The following PPFIA2 variants were observed in gnomAD, a reference collection of about 807,000 sequenced individuals.
PPFIA2 encodes PPFI scaffold protein A2.
In PPFIA2, 46 loss-of-function variants were observed where a neutral mutation model predicts 175.5. The ratio of observed to expected loss-of-function variants is 0.26; its 90% CI spans 0.21 to 0.34. The LOEUF is 0.34. Among genes scored for constraint, PPFIA2 ranks in the 10% least tolerant of loss-of-function variants. The pLI is 1.00. For missense variants in PPFIA2, 1,179 were observed against 1,506.1 expected (o/e 0.78, Z 3.60); for synonymous variants, 568 against 511.4 (o/e 1.11, Z -1.49).
chr12:81,410,443 G>C (rs1486868934), intron 7 of PPFIA2, among the ~76,000 whole-genome samples: 1 of 152,004 alleles, frequency 6.6e-6, no homozygotes, highest in African/African-American at 2.4e-5. Context: ...ATGTCATTAA[G>C]ATTGGACGTC....
intron 4 of PPFIA2, among the ~76,000 whole-genome samples, chr12:81,517,696 G>C (rs2062632256): frequency 6.6e-6 from 1 of 152,152 alleles, no homozygotes; most frequent in South Asian, 2.1e-4. Flanking sequence ...CCATTAAAAG[G>C]AGATTGGTAT....
intron 5 of PPFIA2, among the ~76,000 whole-genome samples, chr12:81,455,960 G>A (rs886171838): frequency 1.3e-5 from 2 of 152,040 alleles, no homozygotes; most frequent in African/African-American, 4.8e-5. Flanking sequence ...AGGGGCTGAA[G>A]AAAAAAGGCT....
intron 4 of PPFIA2, among the ~76,000 whole-genome samples, chr12:81,604,938 T>C (rs1457120163): frequency 2.0e-5 from 3 of 151,736 alleles, no homozygotes; most frequent in African/African-American, 7.2e-5. Context: ...TTGCTCTTAA[T>C]AGAATTAAGA....
intron 3 of PPFIA2, among the ~76,000 whole-genome samples, chr12:81,678,755 T>C (rs1312590219): frequency 6.6e-6 from 1 of 151,910 alleles, no homozygotes; most frequent in Non-Finnish European, 1.5e-5. Flanking sequence ...AGTCCTTGAT[T>C]GTATCATTTG....
intron 9 of PPFIA2, among the ~76,000 whole-genome samples, chr12:81,379,948 T>C (rs2037266767): frequency 6.6e-6 from 1 of 152,230 alleles, no homozygotes; most frequent in Non-Finnish European, 1.5e-5. Flanking sequence ...TATTATATGG[T>C]TGTTTTTTCT....
chr12:81,529,486 G>A (rs1018006488), intron 4 of PPFIA2, among the ~76,000 whole-genome samples: 7 of 151,174 alleles, frequency 4.6e-5, no homozygotes, highest in Admixed American at 4.0e-4. Context: ...AATATAAGCT[G>A]TATATTTATT....
chr12:81,754,167 C>G lies in PPFIA2; in HGVS notation c.55G>C (p.Gly19Arg), dbSNP rs1241245195. The change falls in exon 3 of 33, where the codon GGG (glycine) becomes CGG (arginine). Residue 19 changes from glycine to arginine, a missense_variant. Gly to Arg is a moderately radical substitution (Grantham distance 125). Around this residue, in one of 10 missense-constraint regions of PPFIA2, gnomAD observed 128 missense variants for 141.4 expected, o/e 0.91. Transcript: ENST00000549396. Reference protein sequence around the residue: ...INEDTPMSQRGSQSSGSDSDS... With the variant: ...INEDTPMSQRRSQSSGSDSDS... ...GAGTCCGAGCCACTGCTTTGGGACCCCCTTTGGCTCATTGGGGTGTCCTCA... is the reference window on the plus strand; with the variant it reads ...GAGTCCGAGCCACTGCTTTGGGACCGCCTTTGGCTCATTGGGGTGTCCTCA... 3 of 1,611,928 alleles carry G rather than the reference C, an allele frequency of 1.9e-6. No individual in the cohort carries two copies. The East Asian group carries it at 6.7e-5, about 36-fold the overall frequency.
intron 19 of PPFIA2, among the ~76,000 whole-genome samples, chr12:81,342,504 T>C (rs746013128): frequency 3.7e-4 from 56 of 152,134 alleles, no homozygotes; most frequent in Non-Finnish European, 6.0e-4. Context: ...AGGACTTTTG[T>C]CACCCAATCT....
chr12:81,557,186 C>T (rs1010548070), intron 4 of PPFIA2, among the ~76,000 whole-genome samples: 3 of 136,466 alleles, frequency 2.2e-5, no homozygotes, highest in Non-Finnish European at 4.8e-5. Context: ...AGATATAGAT[C>T]TTATATCTAC....
At chr12:81,349,467 C>T (rs2059637908) in intron 17 of PPFIA2, among the ~76,000 whole-genome samples, 1 of 152,050 alleles carries the variant, frequency 6.6e-6, no homozygotes, top group Non-Finnish European at 1.5e-5. Flanking sequence ...AACTTCACCC[C>T]AAGGTCAGAA....
intron 4 of PPFIA2, among the ~76,000 whole-genome samples, chr12:81,567,864 G>A (rs1389711185): frequency 2.0e-5 from 3 of 152,152 alleles, no homozygotes; most frequent in African/African-American, 7.2e-5. Flanking sequence ...AACCTCGGTG[G>A]AAAATGTAAA....
intron 3 of PPFIA2, among the ~76,000 whole-genome samples, chr12:81,727,849 C>G (rs1377795801): frequency 2.0e-5 from 3 of 151,330 alleles, no homozygotes; most frequent in East Asian, 3.9e-4. Context: ...CCAGTTTTGA[C>G]ACTTAGTACT....
intron 4 of PPFIA2, among the ~76,000 whole-genome samples, chr12:81,641,600 G>C (rs895383258): frequency 6.6e-6 from 1 of 152,024 alleles, no homozygotes; most frequent in African/African-American, 2.4e-5. Context: ...GCCTGTTGGG[G>C]GATGAAGGAC....
intron 3 of PPFIA2, among the ~76,000 whole-genome samples, chr12:81,706,263 C>A (rs979894934): frequency 1.4e-4 from 22 of 152,226 alleles, no homozygotes; most frequent in Admixed American, 2.6e-4. Flanking sequence ...CTATGTACTG[C>A]ATAAGTATTG....
At chr12:81,326,835 G>T (rs1189856837) in intron 21 of PPFIA2, among the ~76,000 whole-genome samples, 2 of 151,904 alleles carry the variant, frequency 1.3e-5, no homozygotes, top group Non-Finnish European at 2.9e-5. Context: ...TCCAGTTAAG[G>T]TCAAGATTAG....
chr12:81,587,684 T>C (rs922109923), intron 4 of PPFIA2, among the ~76,000 whole-genome samples: 2 of 152,072 alleles, frequency 1.3e-5, no homozygotes, highest in Admixed American at 1.3e-4. Flanking sequence ...TTACCCAATT[T>C]ATAATAATAT....
At chr12:81,432,804 G>T (rs58532582) in intron 7 of PPFIA2, among the ~76,000 whole-genome samples, 38,497 of 151,802 alleles carry the variant, frequency 0.25, 6,357 homozygotes, top group East Asian at 0.51. Context: ...TTTATACCCA[G>T]TACTTAATGA....
At chr12:81,399,193 A>G (rs2041703721) in intron 8 of PPFIA2, among the ~76,000 whole-genome samples, 1 of 151,674 alleles carries the variant, frequency 6.6e-6, no homozygotes, top group African/African-American at 2.4e-5. Context: ...ATTCCTTGGC[A>G]CAAAATGAAC....
chr12:81,472,352 T>G (rs2146339704), intron 4 of PPFIA2, among the ~76,000 whole-genome samples: 1 of 152,282 alleles, frequency 6.6e-6, no homozygotes, highest in Non-Finnish European at 1.5e-5. Context: ...AATAAAATGG[T>G]ATGTGTTGTT....
Sources: allele counts gnomAD v4.1 joint callset (sites outside exome capture counted in the v4.1 genomes callset), GRCh38; gene constraint gnomAD v4.1.1; regional missense constraint gnomAD v4.1.1; transcripts MANE v1.5; gene names NCBI Gene and HGNC (gene_info 2026-07-23, HGNC 2026-07-21).